The following SLC35D1 variants were observed in gnomAD, a reference collection of about 807,000 sequenced individuals.
SLC35D1 encodes solute carrier family 35 member D1.
Under a neutral mutation model 46.7 loss-of-function variants are expected in SLC35D1, and 31 were observed. That is an observed-to-expected ratio of 0.66 (90% CI 0.50 to 0.90). The LOEUF (loss-of-function observed/expected upper bound fraction) is 0.90, where lower values mean the gene tolerates loss of function less well. SLC35D1 is among the 40% of genes least tolerant of loss of function. The pLI is 0.00. For missense variants in SLC35D1, 397 were observed against 426.2 expected (o/e 0.93, Z 0.60); for synonymous variants, 195 against 164.6 (o/e 1.18, Z -1.41).
intron 8 of SLC35D1, among the ~76,000 whole-genome samples, chr1:67,038,832 T>TACACACACACACAC (rs1317768858): frequency 3.1e-5 from 3 of 96,300 alleles, no homozygotes; most frequent in African/African-American, 1.9e-4. Context: ...TTTAAATATG[T>TACACACACACACAC]ATACACACAC....
At chr1:67,049,317 C>T (rs1000660756) in intron 6 of SLC35D1, among the ~76,000 whole-genome samples, 2 of 151,698 alleles carry the variant, frequency 1.3e-5, no homozygotes, top group East Asian at 1.9e-4. Context: ...AGAAATGCCA[C>T]ATGGTTTATA....
At chr1:67,044,937 G>A (rs550788552) in intron 7 of SLC35D1, among the ~76,000 whole-genome samples, 3 of 152,214 alleles carry the variant, frequency 2.0e-5, no homozygotes, top group East Asian at 1.9e-4. Flanking sequence ...CAGCATGGCC[G>A]TACTGCCTTA....
the SLC35D1 span, among the ~76,000 whole-genome samples, chr1:66,975,605 A>G: frequency 1.3e-5 from 2 of 152,096 alleles, no homozygotes; most frequent in Non-Finnish European, 2.9e-5. Flanking sequence ...AGTATTTTAT[A>G]TATATACATC....
downstream of SLC35D1, among the ~76,000 whole-genome samples, chr1:66,995,832 C>T (rs960136458): frequency 1.3e-5 from 2 of 152,166 alleles, no homozygotes; most frequent in Admixed American, 6.5e-5. Flanking sequence ...CTCAGCTATA[C>T]TTTCATAATT....
At chr1:67,021,700 G>GACACACTCACAC in intron 8 of SLC35D1, 98 bp from the exon 9 acceptor site, 1 of 181,180 alleles carries the variant, frequency 5.5e-6, no homozygotes, top group South Asian at 8.0e-5. Context: ...CTCCAACACA[G>GACACACTCACAC]ACACAGACAC....
At chr1:67,037,012 T>A (rs912800342) in intron 8 of SLC35D1, among the ~76,000 whole-genome samples, 63 of 152,110 alleles carry the variant, frequency 4.1e-4, no homozygotes, top group African/African-American at 1.4e-3. Flanking sequence ...CCCAGTATTT[T>A]AAGCTGACAA....
At chr1:67,050,394 G>A (rs756102586) in intron 5 of SLC35D1, 39 bp downstream of exon 5, 3 of 1,463,404 alleles carry the variant, frequency 2.1e-6, no homozygotes, top group Non-Finnish European at 2.9e-6. Flanking sequence ...ACCTTTTCAA[G>A]GTGATTTAAA....
chr1:66,995,164 T>C (rs1667224777), downstream of SLC35D1, among the ~76,000 whole-genome samples: 1 of 152,062 alleles, frequency 6.6e-6, no homozygotes, highest in South Asian at 2.1e-4. Context: ...CCAGTGATCC[T>C]GTCATAGTGC....
chr1:67,051,862 C>T (rs1213945580), intron 4 of SLC35D1, 150 bp downstream of exon 4: 11 of 570,576 alleles, frequency 1.9e-5, no homozygotes, highest in Non-Finnish European at 3.4e-5. Context: ...AAACCTTTGG[C>T]ACCACTTTCA....
chr1:66,980,384 C>T, the SLC35D1 span, among the ~76,000 whole-genome samples: 2 of 152,196 alleles, frequency 1.3e-5, no homozygotes, highest in Admixed American at 1.3e-4. Context: ...AGGTCATGGT[C>T]ATATACATTT....
intron 8 of SLC35D1, 122 bp from the exon 9 acceptor site, chr1:67,021,724 G>GACACACACACACACACACACACACAC (rs35069681): frequency 2.4e-5 from 10 of 422,636 alleles, no homozygotes; most frequent in East Asian, 5.7e-5. Flanking sequence ...CACAGACACA[G>GACACACACACACACACACACACACAC]ACACACACAC....
chr1:67,026,795 G>A (rs887967846), intron 8 of SLC35D1, among the ~76,000 whole-genome samples: 7 of 152,092 alleles, frequency 4.6e-5, no homozygotes, highest in Admixed American at 1.3e-4. Context: ...TCACAGCTCC[G>A]CATGGCTGGG....
At chr1:67,041,638 T>G (rs1023789919) in intron 8 of SLC35D1, among the ~76,000 whole-genome samples, 2 of 152,222 alleles carry the variant, frequency 1.3e-5, no homozygotes, top group African/African-American at 4.8e-5. Flanking sequence ...CGGGCTTGTT[T>G]TAAAGAAAAA....
the SLC35D1 span, chr1:66,981,939 TTC>T: frequency 6.2e-7 from 1 of 1,611,264 alleles, no homozygotes; most frequent in African/African-American, 1.3e-5. Context: ...AGAGAAACAT[TTC>T]TCTTTCTTCA....
At chr1:67,037,407 G>C (rs1055561607) in intron 8 of SLC35D1, among the ~76,000 whole-genome samples, 2 of 152,038 alleles carry the variant, frequency 1.3e-5, no homozygotes, top group Non-Finnish European at 2.9e-5. Context: ...CAATACAAAG[G>C]CTAAACTCTC....
At chr1:67,037,523 T>C (rs1425021101) in intron 8 of SLC35D1, among the ~76,000 whole-genome samples, 2 of 152,154 alleles carry the variant, frequency 1.3e-5, no homozygotes, top group African/African-American at 2.4e-5. Flanking sequence ...TGTGTAAGCA[T>C]AGCAAGAAAA....
intron 10 of SLC35D1, among the ~76,000 whole-genome samples, chr1:67,018,633 G>T (rs919346226): frequency 1.3e-5 from 2 of 152,118 alleles, no homozygotes; most frequent in South Asian, 2.1e-4. Flanking sequence ...GTCTATCTGG[G>T]TAGGCCTTGG....
At chr1:67,033,986 T>G (rs1350309311) in intron 8 of SLC35D1, among the ~76,000 whole-genome samples, 4 of 152,188 alleles carry the variant, frequency 2.6e-5, no homozygotes, top group Non-Finnish European at 5.9e-5. Flanking sequence ...CAAAAATTAG[T>G]TTACTGTAGA....
intron 10 of SLC35D1, among the ~76,000 whole-genome samples, chr1:67,017,770 A>G (rs1381320393): frequency 6.6e-6 from 1 of 152,202 alleles, no homozygotes; most frequent in African/African-American, 2.4e-5. Context: ...ACAGAGGCCT[A>G]GTGTACCTAC....
Sources: gnomAD v4.1 joint callset for allele counts (sites outside exome capture counted in the v4.1 genomes callset) on GRCh38, gnomAD v4.1.1 for gene constraint, MANE v1.5 for transcripts, NCBI Gene and HGNC (gene_info 2026-07-23, HGNC 2026-07-21) for gene names.